The following SCD5 variants were observed in gnomAD, a reference collection of about 807,000 sequenced individuals.
SCD5 encodes acyl-CoA-desaturase 4.
In SCD5, 20 loss-of-function variants were observed where a neutral mutation model predicts 30.4. The ratio of observed to expected loss-of-function variants is 0.66; its 90% CI spans 0.46 to 0.96. SCD5 has a LOEUF of 0.96. Among genes scored for constraint, SCD5 ranks in the 40% least tolerant of loss-of-function variants. The probability of loss-of-function intolerance (pLI) is 0.00; values close to 1 mark genes in which losing one functional copy is unlikely to be tolerated. For missense variants in SCD5, 381 were observed against 443.3 expected, an observed-to-expected ratio of 0.86 and a Z score of 1.26; for synonymous variants, 173 against 176.4, an observed-to-expected ratio of 0.98 and a Z score of 0.16.
intron 1 of SCD5, among the ~76,000 whole-genome samples, chr4:82,730,244 CAT>C (rs1720598955): frequency 7.0e-6 from 1 of 143,256 alleles, no homozygotes; most frequent in Non-Finnish European, 1.5e-5. Context: ...TATTTAAAAA[CAT>C]ATAATATATT....
chr4:82,776,948 T>C (rs1196041630), intron 1 of SCD5, among the ~76,000 whole-genome samples: 1 of 152,252 alleles, frequency 6.6e-6, no homozygotes, highest in Non-Finnish European at 1.5e-5. Flanking sequence ...TTTAATAACA[T>C]GCATTCTGCT....
At chr4:82,753,659 A>G (rs572564425) in intron 1 of SCD5, among the ~76,000 whole-genome samples, 1 of 152,296 alleles carries the variant, frequency 6.6e-6, no homozygotes, top group South Asian at 2.1e-4. Context: ...TCAAAAAACT[A>G]TGTAACCAAT....
intron 3 of SCD5, among the ~76,000 whole-genome samples, chr4:82,679,925 A>G (rs1728532266): frequency 1.3e-5 from 2 of 152,206 alleles, no homozygotes; most frequent in South Asian, 4.1e-4. Flanking sequence ...CTTATTCAAC[A>G]TGCTGTCTCA....
intron 4 of SCD5, among the ~76,000 whole-genome samples, chr4:82,632,971 C>T (rs371863889): frequency 6.6e-6 from 1 of 152,174 alleles, no homozygotes. Flanking sequence ...CATTACCTCA[C>T]ACACTTATGT....
intron 3 of SCD5, among the ~76,000 whole-genome samples, chr4:82,673,467 G>A (rs903071529): frequency 6.6e-6 from 1 of 152,082 alleles, no homozygotes. Flanking sequence ...TACAAGATCG[G>A]TATGAGGAAG....
intron 1 of SCD5, among the ~76,000 whole-genome samples, chr4:82,715,541 A>AAT (rs1720207920): frequency 6.6e-6 from 1 of 151,594 alleles, no homozygotes; most frequent in Non-Finnish European, 1.5e-5. Flanking sequence ...ATAAAAAAAA[A>AAT]ATAAGGGTGT....
Position 82,713,725 on chromosome 4 carries a change from T to C in SCD5, c.233-8312A>G, listed in dbSNP as rs944424171. On this transcript the variant is annotated intron_variant, in intron 1 of 4. Transcript: ENST00000319540. The stretch of plus-strand genomic sequence containing the variant: ...ACTCAACCATGTTGATTGGTCTCAC[T>C]TTAAAATCATGACCACTAACCTCAA... 2.0e-5 allele frequency among the ~76,000 whole-genome samples: 3 copies of C among 152,040 alleles called. No homozygotes were observed. In the East Asian group the frequency reaches 5.8e-4, roughly 29 times the overall value.
intron 1 of SCD5, among the ~76,000 whole-genome samples, chr4:82,721,997 G>T (rs1156646): frequency 0.52 from 78,632 of 152,044 alleles, 21,303 homozygotes; most frequent in African/African-American, 0.67. Flanking sequence ...CACCCTTCCT[G>T]TTGCACACTG....
intron 4 of SCD5, among the ~76,000 whole-genome samples, chr4:82,632,125 T>C (rs1036046028): frequency 5.3e-5 from 8 of 152,058 alleles, no homozygotes; most frequent in African/African-American, 1.9e-4. Flanking sequence ...CATGTTGGTT[T>C]GCTGCACCCA....
intron 1 of SCD5, among the ~76,000 whole-genome samples, chr4:82,787,562 C>T (rs141750488): frequency 1.3e-5 from 2 of 152,314 alleles, no homozygotes; most frequent in African/African-American, 4.8e-5. Context: ...TTGCCCTTGC[C>T]TCATGTGACT....
intron 1 of SCD5, among the ~76,000 whole-genome samples, chr4:82,742,719 G>A (rs1720902387): frequency 6.6e-6 from 1 of 152,166 alleles, no homozygotes; most frequent in African/African-American, 2.4e-5. Context: ...CCTGAGAGGT[G>A]GAGGTTGCCG....
intron 1 of SCD5, among the ~76,000 whole-genome samples, chr4:82,747,073 C>CCCCCA (rs770301783): frequency 6.7e-6 from 1 of 149,580 alleles, no homozygotes; most frequent in East Asian, 2.0e-4. Flanking sequence ...CAACCTGCCC[C>CCCCCA]CCAAGAAAGA....
chr4:82,655,842 T>C (rs138105496), intron 3 of SCD5, among the ~76,000 whole-genome samples: 29 of 152,232 alleles, frequency 1.9e-4, no homozygotes, highest in African/African-American at 6.5e-4. Flanking sequence ...GCCAGGAGTT[T>C]ATAAGGGAAC....
At chr4:82,772,201 T>A (rs1048569546) in intron 1 of SCD5, among the ~76,000 whole-genome samples, 1 of 152,202 alleles carries the variant, frequency 6.6e-6, no homozygotes, top group South Asian at 2.1e-4. Context: ...AAGGTGGTGC[T>A]ACTAACCAAG....
chr4:82,709,470 T>C (rs1328747483), intron 1 of SCD5, among the ~76,000 whole-genome samples: 1 of 152,092 alleles, frequency 6.6e-6, no homozygotes, highest in Non-Finnish European at 1.5e-5. Context: ...CAGAATAATA[T>C]AAGAGAGATC....
chr4:82,673,805 C>T (rs1414256603), intron 3 of SCD5, among the ~76,000 whole-genome samples: 1 of 152,094 alleles, frequency 6.6e-6, no homozygotes. Flanking sequence ...CAAGAACAGA[C>T]TAATTGATCA....
chr4:82,684,118 TCAAA>T (rs757620106), intron 2 of SCD5, among the ~76,000 whole-genome samples: 28 of 152,318 alleles, frequency 1.8e-4, no homozygotes, highest in Middle Eastern at 3.4e-3. Flanking sequence ...GAAGAAAAGT[TCAAA>T]CAGAGATATT....
At chr4:82,741,570 C>T (rs896480388) in intron 1 of SCD5, among the ~76,000 whole-genome samples, 7 of 152,092 alleles carry the variant, frequency 4.6e-5, no homozygotes, top group African/African-American at 1.2e-4. Context: ...AATAGTCTAT[C>T]GATGTTGTTT....
At chr4:82,747,068 T>TGCCCCC in intron 1 of SCD5, among the ~76,000 whole-genome samples, 1 of 81,290 alleles carries the variant, frequency 1.2e-5, no homozygotes, top group Non-Finnish European at 3.6e-5. Flanking sequence ...CTGGGCAACC[T>TGCCCCC]GCCCCCCAAG....
Sources: gnomAD v4.1 joint callset for allele counts (sites outside exome capture counted in the v4.1 genomes callset) on GRCh38, gnomAD v4.1.1 for gene constraint, MANE v1.5 for transcripts, NCBI Gene and HGNC (gene_info 2026-07-23, HGNC 2026-07-21) for gene names.